Variants in NLRP11 observed in about 807,000 individuals in gnomAD.
The protein encoded by NLRP11 is NACHT, LRR and PYD domains-containing protein 11.
NLRP11 carries 53 observed loss-of-function variants against 79.3 expected under a neutral mutation model. The observed-to-expected ratio is 0.67, with a 90% CI of 0.54 to 0.84. The LOEUF (loss-of-function observed/expected upper bound fraction) is 0.84, where lower values mean the gene tolerates loss of function less well. Ranked by LOEUF, NLRP11 falls within the 40% of genes least tolerant of loss-of-function variation. The pLI is 0.00. For missense variants in NLRP11, 1,264 were observed against 1,255.0 expected, an observed-to-expected ratio of 1.01 and a Z score of -0.11; for synonymous variants, 518 against 462.6, an observed-to-expected ratio of 1.12 and a Z score of -1.54.
At chr19:55,816,405 ACT>A (rs545408418) in intron 2 of NLRP11, among the ~76,000 whole-genome samples, 15 of 152,240 alleles carry the variant, frequency 9.9e-5, no homozygotes, top group Admixed American at 2.6e-4. Context: ...TGTAAGAGAG[ACT>A]CTAACACAAT....
intron 5 of NLRP11, among the ~76,000 whole-genome samples, chr19:55,799,955 G>GA (rs1335616896): frequency 1.3e-5 from 2 of 152,064 alleles, no homozygotes; most frequent in African/African-American, 4.8e-5. Flanking sequence ...CAAAAAGAGT[G>GA]AAACTCTGTC....
intron 4 of NLRP11, among the ~76,000 whole-genome samples, chr19:55,807,338 G>A (rs1980094736): frequency 6.6e-6 from 1 of 152,050 alleles, no homozygotes; most frequent in Admixed American, 6.6e-5. Flanking sequence ...AAGTACAGCT[G>A]CTTTTCACCT....
intron 5 of NLRP11, among the ~76,000 whole-genome samples, chr19:55,796,845 C>T (rs1045754810): frequency 2.6e-5 from 4 of 152,186 alleles, no homozygotes; most frequent in African/African-American, 7.2e-5. Context: ...TGCGTTACCA[C>T]ACCCGGCTAA....
intron 5 of NLRP11, among the ~76,000 whole-genome samples, chr19:55,797,267 T>C (rs1300441802): frequency 6.6e-6 from 1 of 151,958 alleles, no homozygotes; most frequent in Non-Finnish European, 1.5e-5. Flanking sequence ...CCAATGCACT[T>C]CAGCCTGGAC....
At chr19:55,789,253 G>T in exon 8 of NLRP11, 1 of 1,613,168 alleles carries the variant, frequency 6.2e-7, no homozygotes. Context: ...CATGCAGTTG[G>T]GATGTCTCAA....
At chr19:55,822,604 G>T (rs1036447325) in intron 1 of NLRP11, among the ~76,000 whole-genome samples, 4 of 152,144 alleles carry the variant, frequency 2.6e-5, no homozygotes, top group Non-Finnish European at 4.4e-5. Context: ...CACCTGGGAA[G>T]CGCGAGGGGT....
rs1364312799 is a variant in NLRP11, at chr19:55,809,196, G to A, written c.1414C>T (p.Pro472Ser). Reference sequence around the variant, plus strand: ...TCTTTATACTCTCTGCTGCCTGAGGGGATCAGATAGTTGGGTACTGCCATC... The same window carrying A: ...TCTTTATACTCTCTGCTGCCTGAGGAGATCAGATAGTTGGGTACTGCCATC... The change falls in exon 3 of 10, where the codon CCC becomes TCC. Residue 472 changes from proline (P) to serine (S), a missense_variant. Pro to Ser is a moderately conservative substitution (Grantham distance 74). Coordinates refer to ENST00000589093, the Ensembl canonical transcript of NLRP11. The surrounding 1 kb of genome is among the most constrained non-coding windows in gnomAD (Gnocchi z 4.5). 3 of 1,613,468 alleles carry A rather than the reference G, an allele frequency of 1.9e-6. No individual in the cohort carries two copies. In the African/African-American group the frequency reaches 4.0e-5, roughly 22 times the overall value.
chr19:55,809,547 T>C lies in NLRP11; in HGVS notation c.1063A>G (p.Lys355Glu). The C allele has an allele frequency of 6.2e-7, 1 of 1,614,234 alleles. No individual in the cohort carries two copies. Among genetic ancestry groups the C allele is most frequent in the South Asian group, 1.1e-5 (1 of 91,084 alleles). ...CAGCAGAGCTGGAAGTCACGCCCCTTGTCCATCTGCCGCTTCAGGACAGTA... is the reference window on the plus strand; with the variant it reads ...CAGCAGAGCTGGAAGTCACGCCCCTCGTCCATCTGCCGCTTCAGGACAGTA... The change falls in exon 3 of 10, where the codon AAG (lysine) becomes GAG (glutamate). Residue 355 changes from lysine (K) to glutamate (E), a missense_variant. Coordinates refer to ENST00000589093, the Ensembl canonical transcript of NLRP11. This position sits in a 1 kb window ranked among gnomAD's most constrained non-coding sequence, Gnocchi z 4.5.
chr19:55,785,598 A>C (rs1195815025), exon 10 of NLRP11: 1 of 1,588,182 alleles, frequency 6.3e-7, no homozygotes. Flanking sequence ...AGTAATTTAT[A>C]ATAAATACTG....
In NLRP11 at chr19:55,818,244, T is replaced by C. The variant is rs1238869988; in HGVS notation, c.-62-8A>G. 48 of 1,259,194 alleles carry C rather than the reference T, an allele frequency of 3.8e-5. No individual in the cohort carries two copies. Among genetic ancestry groups the C allele is most frequent in the African/African-American group, 1.5e-5 (1 of 67,248 alleles). 78.0% of individuals were successfully genotyped at this position (1,259,194 alleles called of 1,614,324 possible). A position where few individuals can be genotyped will look rare whatever the true frequency, so the allele number is the denominator to read the frequency against. On this transcript the variant is annotated splice_region_variant and splice_polypyrimidine_tract_variant and intron_variant, in intron 1 of 9. Transcript: ENST00000589093. ...GCACAAGAAATATGAGATCTAAAAA[T>C]AGATGTGGAATCAGACAATCAAACC...
chr19:55,791,836 C>T (rs1159576106), intron 7 of NLRP11, among the ~76,000 whole-genome samples: 2 of 152,140 alleles, frequency 1.3e-5, no homozygotes, highest in Non-Finnish European at 2.9e-5. Flanking sequence ...AATTAGATGT[C>T]TTTGGTAGGT....
intron 7 of NLRP11, among the ~76,000 whole-genome samples, chr19:55,791,710 A>G (rs1302139568): frequency 6.6e-6 from 1 of 152,202 alleles, no homozygotes; most frequent in African/African-American, 2.4e-5. Context: ...TACTTCTGAG[A>G]AAATACGAGA....
At chr19:55,786,542 GC>G (rs1989891686) in intron 9 of NLRP11, among the ~76,000 whole-genome samples, 1 of 151,938 alleles carries the variant, frequency 6.6e-6, no homozygotes, top group Admixed American at 6.6e-5. Context: ...AATTTACATA[GC>G]TAGAGAACAG....
chr19:55,835,498 C>T (rs559459839), upstream of NLRP11, among the ~76,000 whole-genome samples: 17 of 151,394 alleles, frequency 1.1e-4, no homozygotes, highest in Admixed American at 9.2e-4. Flanking sequence ...GTCAAGGGTT[C>T]GAGACCAGCC....
rs764275167 is a variant in NLRP11 at position 55,809,182 on chromosome 19, T to A, written c.1428A>T (p.Arg476Ser). ...ATTGTTCTCTCTTCTCTTTATACTC[T>A]CTGCTGCCTGAGGGGATCAGATAGT... Residue 476 changes from arginine (R) to serine (S), a missense_variant, in exon 3 of 10, where the codon AGA becomes AGT. Coordinates refer to ENST00000589093, the Ensembl canonical transcript of NLRP11. The surrounding 1 kb of genome is among the most constrained non-coding windows in gnomAD (Gnocchi z 4.5). The A allele has an allele frequency of 6.2e-7, 1 of 1,613,674 alleles. No homozygotes were observed. The highest frequency in any genetic ancestry group is 8.5e-7 in the Non-Finnish European group (1 of 1,179,708).
At chr19:55,815,370 A>G (rs545802686) in intron 2 of NLRP11, among the ~76,000 whole-genome samples, 4 of 152,136 alleles carry the variant, frequency 2.6e-5, no homozygotes, top group African/African-American at 9.6e-5. Context: ...CTCTACTAAA[A>G]ACACAAAAAT....
chr19:55,816,974 A>G (rs1032077431), intron 2 of NLRP11, among the ~76,000 whole-genome samples: 1 of 152,198 alleles, frequency 6.6e-6, no homozygotes, highest in Non-Finnish European at 1.5e-5. Flanking sequence ...CCACCAAGCT[A>G]AACAATTCCA....
rs115040507 is a variant in NLRP11 at position 55,797,348 on chromosome 19, A to G, written c.2172-1098T>C. 4.6e-3 allele frequency among the ~76,000 whole-genome samples: 695 copies of G among 152,304 alleles called. 5 individuals are homozygous for G. Among genetic ancestry groups the G allele is most frequent in the African/African-American group, 0.016 (657 of 41,554 alleles). The stretch of plus-strand genomic sequence containing the variant: ...GAATAAAAATAAGTGATCTTTCCCC[A>G]GATAGCTGCATGGTTTGCTGTCTCA... On this transcript the variant is annotated intron_variant, in intron 5 of 9. Coordinates refer to ENST00000589093, the Ensembl canonical transcript of NLRP11.
At chr19:55,795,147 T>C (rs1016512517) in intron 6 of NLRP11, among the ~76,000 whole-genome samples, 59 of 152,132 alleles carry the variant, frequency 3.9e-4, no homozygotes, top group African/African-American at 1.2e-3. Context: ...TTTTTTGCCA[T>C]CTTTCATCGT....
Sources: gnomAD v4.1 joint callset for allele counts (sites outside exome capture counted in the v4.1 genomes callset) on GRCh38, gnomAD v4.1.1 for gene constraint, Gnocchi (gnomAD v3.1) non-coding constraint, MANE v1.5 for transcripts, NCBI Gene and HGNC (gene_info 2026-07-23, HGNC 2026-07-21) for gene names.